ATRNL1: variants seen among roughly 807,000 people sequenced by gnomAD.
ATRNL1 encodes the protein attractin-like protein 1.
In ATRNL1, 95 loss-of-function variants were observed where a neutral mutation model predicts 182.7. The ratio of observed to expected loss-of-function variants is 0.52; its 90% CI spans 0.44 to 0.62. ATRNL1 has a LOEUF of 0.62. ATRNL1 is among the 20% of genes least tolerant of loss of function. The pLI is 0.00. For missense variants in ATRNL1, 1,471 were observed against 1,679.5 expected, an observed-to-expected ratio of 0.88 and a Z score of 2.17; for synonymous variants, 576 against 568.3, an observed-to-expected ratio of 1.01 and a Z score of -0.19.
intron 27 of ATRNL1, among the ~76,000 whole-genome samples, chr10:115,797,325 G>C (rs2907579): frequency 3.9e-5 from 6 of 151,900 alleles, no homozygotes; most frequent in African/African-American, 1.2e-4. Context: ...CCTTTCTTCC[G>C]TGGTCTCTCT....
chr10:115,684,214 A>AT (rs565120022), intron 26 of ATRNL1, among the ~76,000 whole-genome samples: 1 of 150,884 alleles, frequency 6.6e-6, no homozygotes. Flanking sequence ...CTTTTTGTTA[A>AT]TTTTTTTTAG....
chr10:115,447,797 T>C (rs1847079180), intron 21 of ATRNL1, among the ~76,000 whole-genome samples: 1 of 151,910 alleles, frequency 6.6e-6, no homozygotes, highest in Non-Finnish European at 1.5e-5. Context: ...AGAAGTGGAA[T>C]TGTAGATTTA....
chr10:115,728,676 G>A (rs1289242459), intron 27 of ATRNL1, among the ~76,000 whole-genome samples: 1 of 151,938 alleles, frequency 6.6e-6, no homozygotes, highest in Non-Finnish European at 1.5e-5. Flanking sequence ...CTACTCAAAG[G>A]GTCAGTTTTT....
intron 8 of ATRNL1, among the ~76,000 whole-genome samples, chr10:115,179,507 A>G: frequency 6.6e-6 from 1 of 152,096 alleles, no homozygotes; most frequent in Non-Finnish European, 1.5e-5. Context: ...AGGTCTCAGG[A>G]TATTGCCCTG....
At chr10:115,608,409 G>T (rs1257163721) in intron 26 of ATRNL1, among the ~76,000 whole-genome samples, 1 of 152,020 alleles carries the variant, frequency 6.6e-6, no homozygotes, top group Admixed American at 6.6e-5. Flanking sequence ...ATGAAGTTCT[G>T]TATCAGAATT....
chr10:115,864,276 A>G (rs1951382967), intron 28 of ATRNL1, among the ~76,000 whole-genome samples: 1 of 151,998 alleles, frequency 6.6e-6, no homozygotes, highest in Non-Finnish European at 1.5e-5. Context: ...CACAAGAAAA[A>G]AAAAAAAAAA....
At chr10:115,325,162 G>A (rs1854805701) in intron 18 of ATRNL1, among the ~76,000 whole-genome samples, 1 of 151,918 alleles carries the variant, frequency 6.6e-6, no homozygotes, top group African/African-American at 2.4e-5. Flanking sequence ...TTTTCTGTTT[G>A]TGTGTCCATA....
At chr10:115,328,018 A>G (rs928582739) in intron 18 of ATRNL1, among the ~76,000 whole-genome samples, 1 of 152,134 alleles carries the variant, frequency 6.6e-6, no homozygotes, top group African/African-American at 2.4e-5. Flanking sequence ...GCGCACCAGC[A>G]TGGCACATGT....
chr10:115,529,935 G>C (rs1851466181), intron 25 of ATRNL1, among the ~76,000 whole-genome samples: 1 of 151,922 alleles, frequency 6.6e-6, no homozygotes, highest in African/African-American at 2.4e-5. Context: ...TCTACTTTCT[G>C]TCCATAGATT....
chr10:115,468,092 A>G (rs1848138319), intron 23 of ATRNL1, among the ~76,000 whole-genome samples: 1 of 150,730 alleles, frequency 6.6e-6, no homozygotes, highest in Admixed American at 6.6e-5. Context: ...TTTATATATT[A>G]CATTCAAAAA....
chr10:115,651,560 A>G (rs1162149248), intron 26 of ATRNL1, among the ~76,000 whole-genome samples: 1 of 152,034 alleles, frequency 6.6e-6, no homozygotes. Flanking sequence ...CATTTATCCT[A>G]CTTCATGTTT....
intron 1 of ATRNL1, among the ~76,000 whole-genome samples, chr10:115,102,590 T>A (rs1273772455): frequency 6.6e-6 from 1 of 152,060 alleles, no homozygotes; most frequent in Non-Finnish European, 1.5e-5. Flanking sequence ...ATTACAAGCA[T>A]GTGCCACCTC....
chr10:115,939,807 A>G (rs1244121002), intron 28 of ATRNL1, among the ~76,000 whole-genome samples: 2 of 152,154 alleles, frequency 1.3e-5, no homozygotes, highest in Admixed American at 1.3e-4. Context: ...ACTTCCTCCT[A>G]TGGCACAAGA....
At chr10:115,225,442 T>C (rs1849652265) in intron 9 of ATRNL1, among the ~76,000 whole-genome samples, 1 of 142,518 alleles carries the variant, frequency 7.0e-6, no homozygotes, top group South Asian at 2.3e-4. Context: ...TTCAACATTG[T>C]ATTGGAATTT....
At chr10:115,452,701 A>C (rs556856384) in intron 21 of ATRNL1, among the ~76,000 whole-genome samples, 1 of 152,306 alleles carries the variant, frequency 6.6e-6, no homozygotes, top group Non-Finnish European at 1.5e-5. Context: ...CTTAAAACTT[A>C]ATATAAGACC....
At chr10:115,576,667 T>C (rs1854730669) in intron 26 of ATRNL1, among the ~76,000 whole-genome samples, 1 of 152,086 alleles carries the variant, frequency 6.6e-6, no homozygotes, top group Non-Finnish European at 1.5e-5. Context: ...GCAAACGTTT[T>C]CTCCCAATCC....
At chr10:115,362,805 A>G (rs1243195415) in intron 19 of ATRNL1, among the ~76,000 whole-genome samples, 1 of 151,746 alleles carries the variant, frequency 6.6e-6, no homozygotes, top group East Asian at 1.9e-4. Flanking sequence ...TTTACTGAGA[A>G]TGATGATTTC....
intron 25 of ATRNL1, among the ~76,000 whole-genome samples, chr10:115,536,936 C>T (rs146787026): frequency 2.0e-4 from 30 of 151,604 alleles, no homozygotes; most frequent in African/African-American, 6.5e-4. Flanking sequence ...TGTGTAAGGA[C>T]ACTGTGAAGA....
intron 26 of ATRNL1, among the ~76,000 whole-genome samples, chr10:115,669,142 C>T (rs1433770655): frequency 6.6e-6 from 1 of 152,040 alleles, no homozygotes; most frequent in Non-Finnish European, 1.5e-5. Context: ...AAGGCTTTAG[C>T]AAATTTAAAG....
Sources: gnomAD v4.1 joint callset for allele counts (sites outside exome capture counted in the v4.1 genomes callset) on GRCh38, gnomAD v4.1.1 for gene constraint, MANE v1.5 for transcripts, NCBI Gene and HGNC (gene_info 2026-07-23, HGNC 2026-07-21) for gene names.